The following FAM171B variants were observed in gnomAD, a reference collection of about 807,000 sequenced individuals.
FAM171B encodes family with sequence similarity 171 member B.
FAM171B carries 19 observed loss-of-function variants against 75.6 expected under a neutral mutation model. That is an observed-to-expected ratio of 0.25 (90% CI 0.18 to 0.37). The LOEUF is 0.37. Among genes scored for constraint, FAM171B ranks in the 10% least tolerant of loss-of-function variants. The pLI is 1.00. For missense variants in FAM171B, 848 were observed against 982.4 expected (o/e 0.86, Z 1.83); for synonymous variants, 367 against 361.7 (o/e 1.01, Z -0.17).
intron 2 of FAM171B, 103 bp from the exon 3 acceptor site, chr2:186,743,380 C>T (rs557846140): frequency 2.9e-6 from 2 of 696,288 alleles, no homozygotes; most frequent in African/African-American, 1.8e-5. Flanking sequence ...TTTGTTCCCC[C>T]CCACAACACA....
intron 1 of FAM171B, among the ~76,000 whole-genome samples, chr2:186,730,824 T>C (rs1389780758): frequency 1.3e-5 from 2 of 152,142 alleles, no homozygotes; most frequent in African/African-American, 4.8e-5. Context: ...ATGAAACAGA[T>C]GGAATATGCA....
chr2:186,753,374 A>G (rs1240466196), intron 5 of FAM171B, among the ~76,000 whole-genome samples: 1 of 152,190 alleles, frequency 6.6e-6, no homozygotes, highest in Non-Finnish European at 1.5e-5. Context: ...TTTTGGAATG[A>G]CAATTCTTAA....
intron 1 of FAM171B, among the ~76,000 whole-genome samples, chr2:186,729,340 A>T (rs1408959916): frequency 1.3e-5 from 2 of 152,158 alleles, no homozygotes; most frequent in African/African-American, 4.8e-5. Flanking sequence ...TGAAAGCTAA[A>T]AAAATACACT....
At chr2:186,721,469 T>C (rs142849679) in intron 1 of FAM171B, among the ~76,000 whole-genome samples, 9 of 152,300 alleles carry the variant, frequency 5.9e-5, no homozygotes, top group African/African-American at 1.9e-4. Context: ...AACGTGTATT[T>C]AGAATACTAA....
chr2:186,743,638 C>T (rs767415189), intron 3 of FAM171B, 63 bp downstream of exon 3: 1 of 1,085,172 alleles, frequency 9.2e-7, no homozygotes, highest in Non-Finnish European at 1.4e-6. Context: ...TGTACTTCTT[C>T]ACTAAGAATC....
chr2:186,694,145 A>G lies in FAM171B; in HGVS notation c.-29A>G. On this transcript the variant is annotated 5_prime_UTR_variant, in exon 1 of 8. It adds an upstream start codon to the 5' untranslated region. Coordinates refer to ENST00000304698, the MANE Select transcript of FAM171B (RefSeq NM_177454.4). The stretch of plus-strand genomic sequence containing the variant: ...CCGCCGCCGCCCGGAGCCCCGCAAT[A>G]TGCCGCCGCGGCCCTCTGGCTCTAG... The G allele has an allele frequency of 6.6e-7, 1 of 1,521,030 alleles. No homozygotes were observed. Among genetic ancestry groups the G allele is most frequent in the Non-Finnish European group, 8.8e-7 (1 of 1,141,632 alleles). The allele number at this position is 1,521,030 out of a possible 1,614,324, so 94.2% of individuals were successfully genotyped here. A position where few individuals can be genotyped will look rare whatever the true frequency, so the allele number is the denominator to read the frequency against.
At chr2:186,704,607 A>G (rs1689709586) in intron 1 of FAM171B, among the ~76,000 whole-genome samples, 1 of 152,192 alleles carries the variant, frequency 6.6e-6, no homozygotes, top group African/African-American at 2.4e-5. Flanking sequence ...TAAAACTGTT[A>G]GTTAAAGATA....
chr2:186,694,560 C>A, intron 1 of FAM171B, 149 bp downstream of exon 1: 1 of 1,188,760 alleles, frequency 8.4e-7, no homozygotes, highest in South Asian at 1.6e-5. Flanking sequence ...ACTGGCTGCC[C>A]AGCCTTTGGT....
intron 1 of FAM171B, 121 bp downstream of exon 1, chr2:186,694,532 C>T (rs1689551253): frequency 7.5e-7 from 1 of 1,326,796 alleles, no homozygotes; most frequent in Non-Finnish European, 1.0e-6. Flanking sequence ...CACCATCCCT[C>T]CCGATCTCTC....
intron 1 of FAM171B, among the ~76,000 whole-genome samples, chr2:186,732,165 A>AT (rs1323764877): frequency 7.1e-5 from 1 of 14,134 alleles, no homozygotes; most frequent in Non-Finnish European, 2.4e-3. Flanking sequence ...TCTTACTATT[A>AT]TAACTTTTTT....
intron 1 of FAM171B, among the ~76,000 whole-genome samples, chr2:186,707,849 A>T (rs1264866846): frequency 2.0e-5 from 3 of 151,908 alleles, no homozygotes; most frequent in Admixed American, 6.6e-5. Flanking sequence ...TTTAAAAAAA[A>T]AAAAAGGTTT....
chr2:186,694,895 C>G (rs1167205295), intron 1 of FAM171B, among the ~76,000 whole-genome samples: 1 of 152,074 alleles, frequency 6.6e-6, no homozygotes, highest in African/African-American at 2.4e-5. Flanking sequence ...CACCATTTCT[C>G]CATGCCTGCT....
chr2:186,714,121 A>AT (rs11458662), intron 1 of FAM171B, among the ~76,000 whole-genome samples: 134,531 of 148,978 alleles, frequency 0.9, 61,445 homozygotes, highest in South Asian at 0.99. Context: ...AGCAGATGAA[A>AT]TTTTTTTTTT....
At chr2:186,728,995 A>G (rs1234825367) in intron 1 of FAM171B, among the ~76,000 whole-genome samples, 5 of 152,198 alleles carry the variant, frequency 3.3e-5, no homozygotes, top group Non-Finnish European at 7.3e-5. Flanking sequence ...TAGGAAAACC[A>G]TAATATAGTA....
intron 1 of FAM171B, among the ~76,000 whole-genome samples, chr2:186,721,799 G>C (rs1375783810): frequency 6.6e-6 from 1 of 151,824 alleles, no homozygotes; most frequent in Non-Finnish European, 1.5e-5. Flanking sequence ...ACAAAACAAA[G>C]GCTCTAAAAC....
At chr2:186,754,223 G>T (rs1690497692) in intron 6 of FAM171B, among the ~76,000 whole-genome samples, 174 bp downstream of exon 6, 1 of 152,058 alleles carries the variant, frequency 6.6e-6, no homozygotes, top group South Asian at 2.1e-4. Context: ...TAAGCGCCAT[G>T]AACTCTAAGG....
At chr2:186,728,855 T>C (rs1690072224) in intron 1 of FAM171B, among the ~76,000 whole-genome samples, 1 of 152,120 alleles carries the variant, frequency 6.6e-6, no homozygotes, top group South Asian at 2.1e-4. Flanking sequence ...GATGTCAGAG[T>C]CTCTTGAAAA....
intron 3 of FAM171B, among the ~76,000 whole-genome samples, chr2:186,746,006 G>A (rs1277142274): frequency 6.6e-6 from 1 of 152,090 alleles, no homozygotes; most frequent in Non-Finnish European, 1.5e-5. Flanking sequence ...ATCATTTATT[G>A]TCATGTAGCT....
intron 1 of FAM171B, among the ~76,000 whole-genome samples, chr2:186,696,416 G>T (rs1689581536): frequency 6.9e-6 from 1 of 143,992 alleles, no homozygotes; most frequent in African/African-American, 2.6e-5. Context: ...TTCAACCTTT[G>T]TTTCCCTACT....
Sources: allele counts gnomAD v4.1 joint callset (sites outside exome capture counted in the v4.1 genomes callset), GRCh38; gene constraint gnomAD v4.1.1; transcripts MANE v1.5; gene names NCBI Gene and HGNC (gene_info 2026-07-23, HGNC 2026-07-21).